The following RPS6KA2 variants were observed in gnomAD, a reference collection of about 807,000 sequenced individuals.
RPS6KA2 encodes ribosomal protein S6 kinase alpha-2.
RPS6KA2 carries 42 observed loss-of-function variants against 91.8 expected under a neutral mutation model. The observed-to-expected ratio is 0.46, with a 90% CI of 0.36 to 0.59. The LOEUF is 0.59. Among genes scored for constraint, RPS6KA2 ranks in the 20% least tolerant of loss-of-function variants. The pLI is 0.00. For synonymous variants in RPS6KA2, 414 were observed against 393.6 expected (o/e 1.05, Z -0.61); for missense variants, 798 against 978.5 (o/e 0.82, Z 2.46).
At chr6:166,780,483 C>T (rs542350441) in intron 2 of RPS6KA2, among the ~76,000 whole-genome samples, 7 of 152,084 alleles carry the variant, frequency 4.6e-5, no homozygotes, top group African/African-American at 7.2e-5. Context: ...CTTCTGGCCT[C>T]GGGACTGTGA....
At chr6:166,681,692 C>CCCCCCA (rs1477005460) in intron 2 of RPS6KA2, among the ~76,000 whole-genome samples, 4 of 3,074 alleles carry the variant, frequency 1.3e-3, no homozygotes, top group African/African-American at 2.2e-3. Flanking sequence ...CCCTGCCCGC[C>CCCCCCA]CCCCCCCCCG....
intron 7 of RPS6KA2, among the ~76,000 whole-genome samples, chr6:166,499,026 T>C (rs886089763): frequency 2.0e-5 from 3 of 152,052 alleles, no homozygotes; most frequent in Non-Finnish European, 2.9e-5. Flanking sequence ...GGCAGGTGTG[T>C]GGCTGACAGC....
intron 2 of RPS6KA2, among the ~76,000 whole-genome samples, chr6:166,674,225 C>T (rs372175481): frequency 9.5e-4 from 145 of 152,296 alleles, no homozygotes; most frequent in Middle Eastern, 3.4e-3. Context: ...ATAATGCATT[C>T]AGGAAGTTAT....
At chr6:166,547,239 A>T (rs1197928171) in intron 1 of RPS6KA2, among the ~76,000 whole-genome samples, 1 of 152,172 alleles carries the variant, frequency 6.6e-6, no homozygotes, top group Non-Finnish European at 1.5e-5. Context: ...CACGGGGCCA[A>T]CTCACTCTAC....
chr6:166,754,391 C>T (rs1438995963), intron 2 of RPS6KA2, among the ~76,000 whole-genome samples: 2 of 152,176 alleles, frequency 1.3e-5, no homozygotes, highest in East Asian at 1.9e-4. Flanking sequence ...GGTGCAGGAA[C>T]GTGTGGGCAG....
intron 3 of RPS6KA2, among the ~76,000 whole-genome samples, chr6:166,514,227 C>T (rs1782564501): frequency 6.6e-6 from 1 of 152,218 alleles, no homozygotes; most frequent in Non-Finnish European, 1.5e-5. Flanking sequence ...CCCATCACTA[C>T]TTCTCAGTCT....
chr6:166,718,684 T>C (rs569848802), intron 2 of RPS6KA2, among the ~76,000 whole-genome samples: 1 of 152,314 alleles, frequency 6.6e-6, no homozygotes, highest in South Asian at 2.1e-4. Context: ...AATACAGACG[T>C]ATCTGTAAAT....
intron 2 of RPS6KA2, among the ~76,000 whole-genome samples, chr6:166,798,849 G>A (rs845651): frequency 0.38 from 58,059 of 151,850 alleles, 12,742 homozygotes; most frequent in East Asian, 0.54. Context: ...TGGTGGTGGC[G>A]CCCTCCCTAG....
chr6:166,574,985 C>T (rs901533728), intron 1 of RPS6KA2, among the ~76,000 whole-genome samples: 3 of 152,094 alleles, frequency 2.0e-5, no homozygotes, highest in African/African-American at 4.8e-5. Context: ...ATGAACAAAT[C>T]GAGAAAGATG....
At chr6:166,681,225 A>G (rs1422797361) in intron 2 of RPS6KA2, among the ~76,000 whole-genome samples, 2 of 152,218 alleles carry the variant, frequency 1.3e-5, no homozygotes, top group Non-Finnish European at 2.9e-5. Flanking sequence ...TGTATCTTAG[A>G]AATTTTCTGA....
chr6:166,722,969 C>T lies in RPS6KA2; in HGVS notation c.123+135231G>A, dbSNP rs184156717. Among the ~76,000 whole-genome samples the T allele has an allele frequency of 3.4e-3, 524 of 152,332 alleles. 2 individuals carry two copies. The highest frequency in any genetic ancestry group is 4.6e-3 in the Non-Finnish European group (314 of 68,024). ...CGCCTCCAAGGTCTGTCTGTGCCTA[C>T]ACTTGGCGACTATGACAACCGTTAA... On this transcript the variant is annotated intron_variant, in intron 2 of 21. Coordinates refer to the RPS6KA2 transcript ENST00000503859.
chr6:166,796,579 G>C (rs936975775), intron 2 of RPS6KA2, among the ~76,000 whole-genome samples: 2 of 63,208 alleles, frequency 3.2e-5, no homozygotes, highest in African/African-American at 6.3e-5. Flanking sequence ...CAGAGACTCT[G>C]TCTTAAAAAG....
chr6:166,581,619 T>C (rs1401574948), intron 1 of RPS6KA2, among the ~76,000 whole-genome samples: 1 of 152,180 alleles, frequency 6.6e-6, no homozygotes, highest in Non-Finnish European at 1.5e-5. Context: ...ATTTTCCTTA[T>C]ATTCACTTTC....
Position 166,733,219 on chromosome 6 carries a change from AAGCCTAAT to A in RPS6KA2, c.123+124973_123+124980del, listed in dbSNP as rs1205606291. On this transcript the variant is annotated intron_variant, in intron 2 of 21. Coordinates refer to the RPS6KA2 transcript ENST00000503859. This position sits in a 1 kb window ranked among gnomAD's most constrained non-coding sequence, Gnocchi z 4.1. The stretch of plus-strand genomic sequence containing the variant: ...TCGGCCAGAATGGGAGTACTTTTGA[AAGCCTAAT>A]AGCCTTAGGCTGCAAGAGTCCTGTG... Among the ~76,000 whole-genome samples the A allele has an allele frequency of 1.3e-5, 2 of 152,200 alleles. No homozygotes were observed. Among genetic ancestry groups the A allele is most frequent in the African/African-American group, 4.8e-5 (2 of 41,456 alleles).
In RPS6KA2 at chr6:166,679,689, GCTGTGGGGGCCCATCT is replaced by G. The variant is rs536325743; in HGVS notation, c.124-140921_124-140906del. On this transcript the variant is annotated intron_variant, in intron 2 of 21. Coordinates refer to the RPS6KA2 transcript ENST00000503859. ...GAGGAGCCCTTCAGCCCGCTGCTGTGCTGTGGGGGCCCATCTCTGGGGCTGGCCGAGGCCGGAGCCG... is the reference window on the plus strand; with the variant it reads ...GAGGAGCCCTTCAGCCCGCTGCTGTGCTGGGGCTGGCCGAGGCCGGAGCCG... Among the ~76,000 whole-genome samples the G allele has an allele frequency of 6.9e-4, 105 of 152,344 alleles. No homozygotes were observed. The South Asian group carries it at 0.012, about 17-fold the overall frequency.
At chr6:166,498,306 A>G (rs187053209) in intron 8 of RPS6KA2, among the ~76,000 whole-genome samples, 19 of 152,368 alleles carry the variant, frequency 1.2e-4, no homozygotes, top group African/African-American at 4.1e-4. Context: ...TCTCGTTTGC[A>G]TCCCAGCCCC....
chr6:166,754,726 C>A (rs1354880179), intron 2 of RPS6KA2, among the ~76,000 whole-genome samples: 1 of 152,180 alleles, frequency 6.6e-6, no homozygotes, highest in African/African-American at 2.4e-5. Context: ...AATGTCAAAG[C>A]ATCAGATGCG....
chr6:166,723,292 C>G (rs559910414), intron 2 of RPS6KA2, among the ~76,000 whole-genome samples: 3 of 152,232 alleles, frequency 2.0e-5, no homozygotes, highest in East Asian at 1.9e-4. Flanking sequence ...GCTGAGGTGC[C>G]GCAGTGAAGA....
chr6:166,678,840 C>T (rs1788695117), intron 2 of RPS6KA2, among the ~76,000 whole-genome samples: 1 of 152,208 alleles, frequency 6.6e-6, no homozygotes, highest in Non-Finnish European at 1.5e-5. Context: ...GGGCTCTCAA[C>T]CGCAAAGCAG....
Sources: gnomAD v4.1 joint callset for allele counts (sites outside exome capture counted in the v4.1 genomes callset) on GRCh38, gnomAD v4.1.1 for gene constraint, Gnocchi (gnomAD v3.1) non-coding constraint, MANE v1.5 for transcripts, NCBI Gene and HGNC (gene_info 2026-07-23, HGNC 2026-07-21) for gene names.